The following OPCML variants were observed in gnomAD, a reference collection of about 807,000 sequenced individuals.
The protein encoded by OPCML is opioid-binding protein/cell adhesion molecule.
OPCML carries 13 observed loss-of-function variants against 37.8 expected under a neutral mutation model. The ratio of observed to expected loss-of-function variants is 0.34; its 90% CI spans 0.22 to 0.55. The LOEUF (loss-of-function observed/expected upper bound fraction) is 0.55, where lower values mean the gene tolerates loss of function less well. OPCML is among the 20% of genes least tolerant of loss of function. The pLI, the probability that OPCML is intolerant of heterozygous loss-of-function variation, is 0.91. For synonymous variants in OPCML, 176 were observed against 168.8 expected (o/e 1.04, Z -0.33); for missense variants, 341 against 435.6 (o/e 0.78, Z 1.93).
rs531159932 is a variant in OPCML at position 132,796,810 on chromosome 11, C to T, written c.147-139491G>A. On this transcript the variant is annotated intron_variant, in intron 2 of 7. Transcript: ENST00000524381. ...AGCCAGGATGGTCTCAATCTCCTGA[C>T]CTCGTGATCTGCCGTGATAGTGAGT... Among the ~76,000 whole-genome samples the T allele has an allele frequency of 6.4e-4, 97 of 152,146 alleles. 1 individual carries two copies. The highest frequency in any genetic ancestry group is 2.3e-3 in the African/African-American group (95 of 41,538).
chr11:133,342,916 C>A (rs1943907644), intron 1 of OPCML, among the ~76,000 whole-genome samples: 1 of 152,132 alleles, frequency 6.6e-6, no homozygotes, highest in African/African-American at 2.4e-5. Context: ...GATTTCTTTT[C>A]TTTGGAAACA....
chr11:133,324,669 T>C (rs1256331935), intron 1 of OPCML, among the ~76,000 whole-genome samples: 1 of 152,176 alleles, frequency 6.6e-6, no homozygotes, highest in East Asian at 1.9e-4. Flanking sequence ...GCAGGCCTTG[T>C]TCCTCTGCTA....
chr11:132,807,332 G>A (rs1393621621), intron 2 of OPCML, among the ~76,000 whole-genome samples: 1 of 152,118 alleles, frequency 6.6e-6, no homozygotes, highest in African/African-American at 2.4e-5. Context: ...ATAAACATGA[G>A]TCTATCACTA....
At chr11:133,006,633 C>T (rs539583992) in intron 1 of OPCML, 2 of 985,450 alleles carry the variant, frequency 2.0e-6, no homozygotes, top group East Asian at 2.3e-4. Flanking sequence ...CTATGTGAAA[C>T]TCACACCATC....
chr11:133,281,284 T>C (rs1253085185), intron 1 of OPCML, among the ~76,000 whole-genome samples: 1 of 152,138 alleles, frequency 6.6e-6, no homozygotes, highest in Non-Finnish European at 1.5e-5. Context: ...ATCATGAGGA[T>C]AGATCCCTCA....
At chr11:132,630,081 A>T (rs1169987967) in intron 3 of OPCML, among the ~76,000 whole-genome samples, 1 of 152,210 alleles carries the variant, frequency 6.6e-6, no homozygotes, top group Admixed American at 6.5e-5. Flanking sequence ...TTGGTGAGGT[A>T]TACGTTATTT....
chr11:133,054,588 G>A (rs1948188425), intron 1 of OPCML, among the ~76,000 whole-genome samples: 1 of 152,188 alleles, frequency 6.6e-6, no homozygotes, highest in Non-Finnish European at 1.5e-5. Context: ...CATCATCACA[G>A]GGGCATAGAC....
chr11:132,744,972 T>C (rs1338829368), intron 2 of OPCML, among the ~76,000 whole-genome samples: 1 of 151,768 alleles, frequency 6.6e-6, no homozygotes, highest in Non-Finnish European at 1.5e-5. Flanking sequence ...CTCCTAAATA[T>C]TCGGGATATA....
chr11:132,613,399 T>C (rs1434204082), intron 3 of OPCML, among the ~76,000 whole-genome samples: 1 of 152,230 alleles, frequency 6.6e-6, no homozygotes, highest in Non-Finnish European at 1.5e-5. Flanking sequence ...ATATTTTCAG[T>C]CTGTTGCAAG....
At chr11:132,610,896 G>T (rs1938598784) in intron 3 of OPCML, among the ~76,000 whole-genome samples, 1 of 152,070 alleles carries the variant, frequency 6.6e-6, no homozygotes, top group Non-Finnish European at 1.5e-5. Context: ...CTTTCCTATG[G>T]CTTTGTTCTC....
chr11:133,384,247 C>CAAAAAAAAAAAA (rs1186998875), intron 1 of OPCML, among the ~76,000 whole-genome samples: 5 of 71,206 alleles, frequency 7.0e-5, no homozygotes, highest in East Asian at 3.9e-4. Flanking sequence ...GGCCACTGTG[C>CAAAAAAAAAAAA]AAAAAAAAAA....
intron 2 of OPCML, among the ~76,000 whole-genome samples, chr11:132,918,786 G>C (rs1355862442): frequency 6.7e-6 from 1 of 149,058 alleles, no homozygotes. Context: ...CCAACATAAA[G>C]CACCAGGGTT....
intron 1 of OPCML, among the ~76,000 whole-genome samples, chr11:133,273,147 G>A (rs1215271642): frequency 3.9e-5 from 6 of 152,118 alleles, no homozygotes; most frequent in Admixed American, 3.9e-4. Context: ...TAGGACGCAC[G>A]ACTATCCTAT....
At chr11:133,092,408 T>C (rs2137054379) in intron 1 of OPCML, among the ~76,000 whole-genome samples, 1 of 152,184 alleles carries the variant, frequency 6.6e-6, no homozygotes, top group Non-Finnish European at 1.5e-5. Flanking sequence ...CCACAAAGAA[T>C]GAGGGTCAAT....
At chr11:132,993,687 G>T (rs1946824326) in intron 1 of OPCML, among the ~76,000 whole-genome samples, 1 of 152,158 alleles carries the variant, frequency 6.6e-6, no homozygotes, top group African/African-American at 2.4e-5. Context: ...GACAGAGAAA[G>T]ATCTGGAATC....
chr11:133,113,431 G>A (rs1312980562), intron 1 of OPCML, among the ~76,000 whole-genome samples: 1 of 152,118 alleles, frequency 6.6e-6, no homozygotes, highest in African/African-American at 2.4e-5. Context: ...GGAAGCAGGA[G>A]AGAAAAAAAT....
intron 1 of OPCML, among the ~76,000 whole-genome samples, chr11:133,111,219 G>A (rs1949249481): frequency 6.6e-6 from 1 of 152,166 alleles, no homozygotes; most frequent in Non-Finnish European, 1.5e-5. Flanking sequence ...GACCCCAGCA[G>A]AATACTTGGT....
chr11:133,405,631 A>T (rs1945508855), intron 1 of OPCML, among the ~76,000 whole-genome samples: 1 of 152,086 alleles, frequency 6.6e-6, no homozygotes, highest in South Asian at 2.1e-4. Context: ...CTTTTGCGTG[A>T]TCTGGCTCTA....
intron 3 of OPCML, among the ~76,000 whole-genome samples, chr11:132,630,524 A>G (rs531946912): frequency 6.6e-6 from 1 of 151,120 alleles, no homozygotes; most frequent in African/African-American, 2.4e-5. Flanking sequence ...ATAGGACACA[A>G]TATGTGTGTG....
Sources: allele counts gnomAD v4.1 joint callset (sites outside exome capture counted in the v4.1 genomes callset), GRCh38; gene constraint gnomAD v4.1.1; transcripts MANE v1.5; gene names NCBI Gene and HGNC (gene_info 2026-07-23, HGNC 2026-07-21).